FRMD4A: variants seen among roughly 807,000 people sequenced by gnomAD.
The protein encoded by FRMD4A is FERM domain-containing protein 4A.
Under a neutral mutation model 129.1 loss-of-function variants are expected in FRMD4A, and 29 were observed. The ratio of observed to expected loss-of-function variants is 0.22; its 90% CI spans 0.17 to 0.31. The LOEUF (loss-of-function observed/expected upper bound fraction) is 0.31. FRMD4A is among the 10% of genes least tolerant of loss of function. FRMD4A has a pLI of 1.00. For missense variants in FRMD4A, 1,272 were observed against 1,375.8 expected, an observed-to-expected ratio of 0.92 and a Z score of 1.19; for synonymous variants, 634 against 571.6, an observed-to-expected ratio of 1.11 and a Z score of -1.56.
chr10:14,160,883 G>A (rs1176982396), intron 2 of FRMD4A, among the ~76,000 whole-genome samples: 1 of 152,164 alleles, frequency 6.6e-6, no homozygotes, highest in African/African-American at 2.4e-5. Flanking sequence ...GCAAGGATGT[G>A]GAGAAAAGGG....
At position 13,746,752 on chromosome 10, in the gene FRMD4A, A is replaced by G. The variant is rs542009254; in HGVS notation, c.548+984T>C. 2.4e-3 allele frequency among the ~76,000 whole-genome samples: 369 copies of G among 152,356 alleles called. 1 individual carries two copies. Among genetic ancestry groups the G allele is most frequent in the African/African-American group, 8.6e-3 (359 of 41,584 alleles). ...TGATTTCTGTTAGGGGATCAGAAGG[A>G]ACATCAGAGAAGAGGTATTACAGTT... On this transcript the variant is annotated intron_variant, in intron 9 of 24. Coordinates refer to ENST00000357447, the MANE Select transcript of FRMD4A (RefSeq NM_018027.5).
chr10:13,985,469 G>A (rs2095577727), intron 2 of FRMD4A, among the ~76,000 whole-genome samples: 1 of 152,226 alleles, frequency 6.6e-6, no homozygotes, highest in Non-Finnish European at 1.5e-5. Flanking sequence ...TTGAATGTAG[G>A]TAGTCTTCAG....
At chr10:14,260,417 C>G (rs139878713) in intron 2 of FRMD4A, among the ~76,000 whole-genome samples, 1 of 152,294 alleles carries the variant, frequency 6.6e-6, no homozygotes, top group African/African-American at 2.4e-5. Context: ...AGCCACAGAA[C>G]AGCTGCAATG....
At chr10:14,066,455 C>G (rs750038448) in intron 2 of FRMD4A, among the ~76,000 whole-genome samples, 2 of 151,952 alleles carry the variant, frequency 1.3e-5, no homozygotes, top group Non-Finnish European at 2.9e-5. Flanking sequence ...CAAGCAAATG[C>G]TTTGAATCTG....
intron 2 of FRMD4A, among the ~76,000 whole-genome samples, chr10:14,099,587 TATG>T (rs558037575): frequency 3.3e-5 from 5 of 152,274 alleles, no homozygotes; most frequent in South Asian, 4.1e-4. Context: ...AACCCGTGAA[TATG>T]ATATTTTTGA....
intron 2 of FRMD4A, among the ~76,000 whole-genome samples, chr10:14,095,355 T>C (rs940945396): frequency 5.9e-5 from 9 of 152,208 alleles, no homozygotes; most frequent in Admixed American, 1.3e-4. Flanking sequence ...ATCACTTTCA[T>C]GCTCAGAATA....
At chr10:14,101,126 C>T (rs1008020592) in intron 2 of FRMD4A, among the ~76,000 whole-genome samples, 6 of 152,132 alleles carry the variant, frequency 3.9e-5, no homozygotes, top group African/African-American at 1.4e-4. Context: ...TTTAAGATTC[C>T]CCCATACTAT....
intron 12 of FRMD4A, among the ~76,000 whole-genome samples, chr10:13,731,984 C>A (rs1487410293): frequency 6.6e-6 from 1 of 152,114 alleles, no homozygotes; most frequent in Non-Finnish European, 1.5e-5. Context: ...ACCCTGCAGG[C>A]AATGAAGCTG....
intron 12 of FRMD4A, among the ~76,000 whole-genome samples, chr10:13,715,819 T>C (rs1025493864): frequency 1.3e-5 from 2 of 151,258 alleles, no homozygotes; most frequent in African/African-American, 4.9e-5. Flanking sequence ...GGAAGCAGAA[T>C]TGCTTGAATT....
intron 5 of FRMD4A, among the ~76,000 whole-genome samples, chr10:13,784,026 G>T (rs1353535726): frequency 1.3e-5 from 2 of 152,250 alleles, no homozygotes; most frequent in East Asian, 1.9e-4. Context: ...AGAGGGGAAA[G>T]GTTGAAATGC....
rs554712108 is a variant in FRMD4A, at chr10:13,676,791, A to G, written c.1118-1747T>C. Among the ~76,000 whole-genome samples the G allele has an allele frequency of 3.2e-4, 49 of 152,338 alleles. No individual in the cohort carries two copies. The South Asian group carries it at 3.9e-3, about 12-fold the overall frequency. ...ATAGACAGAAAGATACACTGTGGTC[A>G]AGGATTAGAAGCTTGATGTTGTAAA... On this transcript the variant is annotated intron_variant, in intron 15 of 24. Coordinates refer to ENST00000357447, the MANE Select transcript of FRMD4A (RefSeq NM_018027.5).
chr10:13,819,536 C>A (rs1166180724), intron 3 of FRMD4A, among the ~76,000 whole-genome samples: 1 of 152,082 alleles, frequency 6.6e-6, no homozygotes, highest in Non-Finnish European at 1.5e-5. Flanking sequence ...CTTTGTGTGA[C>A]ATGATTTGTT....
At chr10:13,800,944 C>T (rs1231277056) in intron 4 of FRMD4A, among the ~76,000 whole-genome samples, 1 of 152,130 alleles carries the variant, frequency 6.6e-6, no homozygotes, top group East Asian at 1.9e-4. Context: ...ATTAAATAGA[C>T]TAGAAAGGAA....
At position 14,002,882 on chromosome 10, in the gene FRMD4A, G is replaced by A. The variant is rs536932925; in HGVS notation, c.46-143970C>T. Among the ~76,000 whole-genome samples, 4 of 152,256 alleles carry A rather than the reference G, an allele frequency of 2.6e-5. No individual in the cohort carries two copies. The South Asian group carries it at 8.3e-4, about 32-fold the overall frequency. On this transcript the variant is annotated intron_variant, in intron 2 of 24. Transcript: ENST00000357447. The stretch of plus-strand genomic sequence containing the variant: ...GATGAAAACACACGCAAAGTTCCTG[G>A]GGCAAGAGCAAGCTCCGTAGTTTGG...
chr10:13,864,678 C>T (rs890152436), intron 2 of FRMD4A, among the ~76,000 whole-genome samples: 4 of 150,962 alleles, frequency 2.6e-5, no homozygotes, highest in African/African-American at 9.8e-5. Flanking sequence ...TGAGTTCATG[C>T]GATTCTCCTG....
At chr10:13,827,187 C>T (rs11258655) in intron 3 of FRMD4A, among the ~76,000 whole-genome samples, 83,847 of 151,962 alleles carry the variant, frequency 0.55, 23,295 homozygotes, top group Middle Eastern at 0.72. Context: ...ACACAAGCTT[C>T]GTTAGCAGAC....
chr10:13,995,883 C>G (rs893603112), intron 2 of FRMD4A, among the ~76,000 whole-genome samples: 3 of 151,292 alleles, frequency 2.0e-5, no homozygotes, highest in Non-Finnish European at 4.4e-5. Context: ...CAACCCAGAG[C>G]TGGGGCTCAG....
At chr10:13,955,111 G>GGTTTTTTTTTTTTTTT (rs1565107008) in intron 2 of FRMD4A, among the ~76,000 whole-genome samples, 1 of 33,108 alleles carries the variant, frequency 3.0e-5, no homozygotes, top group East Asian at 3.9e-3. Flanking sequence ...TAATAATTCT[G>GGTTTTTTTTTTTTTTT]CTTTTTTTTT....
intron 2 of FRMD4A, among the ~76,000 whole-genome samples, chr10:13,941,022 A>G (rs1461797902): frequency 6.6e-6 from 1 of 152,212 alleles, no homozygotes; most frequent in African/African-American, 2.4e-5. Context: ...AAAGAGAGCA[A>G]GGATTGAAAT....
Sources: allele counts gnomAD v4.1 joint callset (sites outside exome capture counted in the v4.1 genomes callset), GRCh38; gene constraint gnomAD v4.1.1; transcripts MANE v1.5; gene names NCBI Gene and HGNC (gene_info 2026-07-23, HGNC 2026-07-21).